PAMR1: variants seen among roughly 807,000 people sequenced by gnomAD.
PAMR1 encodes peptidase domain containing associated with muscle regeneration 1.
Under a neutral mutation model 81.8 loss-of-function variants are expected in PAMR1, and 88 were observed. The ratio of observed to expected loss-of-function variants is 1.08; its 90% CI spans 0.91 to 1.28. The LOEUF (loss-of-function observed/expected upper bound fraction) is 1.28, where lower values mean the gene tolerates loss of function less well. Ranked by LOEUF, PAMR1 falls within the 50% of genes most tolerant of loss-of-function variation. The probability of loss-of-function intolerance (pLI) is 0.00; values close to 1 mark genes in which losing one functional copy is unlikely to be tolerated. For synonymous variants in PAMR1, 336 were observed against 345.3 expected (o/e 0.97, Z 0.30); for missense variants, 935 against 919.7 (o/e 1.02, Z -0.21).
intron 5 of PAMR1, among the ~76,000 whole-genome samples, chr11:35,468,337 C>G (rs746554997): frequency 1.3e-5 from 2 of 152,094 alleles, no homozygotes. Flanking sequence ...CAGAAGTATG[C>G]TTAACGCTCC....
chr11:35,450,277 C>T (rs983066013), intron 6 of PAMR1, among the ~76,000 whole-genome samples: 18 of 152,194 alleles, frequency 1.2e-4, no homozygotes, highest in African/African-American at 4.1e-4. Context: ...ACTCTAAGAC[C>T]GTCCATAGAC....
chr11:35,516,719 C>A (rs12281716), intron 1 of PAMR1, among the ~76,000 whole-genome samples: 93 of 152,334 alleles, frequency 6.1e-4, no homozygotes, highest in African/African-American at 2.1e-3. Flanking sequence ...AGACAGACCA[C>A]TTTCAGGTTG....
intron 3 of PAMR1, among the ~76,000 whole-genome samples, chr11:35,480,788 C>G (rs2135388631): frequency 6.6e-6 from 1 of 152,290 alleles, no homozygotes; most frequent in East Asian, 1.9e-4. Flanking sequence ...CTGCACCTAT[C>G]TACCCATCAT....
chr11:35,455,409 G>C lies in PAMR1; in HGVS notation c.820+12592C>G, dbSNP rs559098089. On this transcript the variant is annotated intron_variant, in intron 6 of 10. Transcript: ENST00000619888. ...TATCCTCTGATAAACACAAAACTTA[G>C]GAGTAGATCCTAGCTGTGATGAGAC... Among the ~76,000 whole-genome samples, 7 of 152,292 alleles carry C rather than the reference G, an allele frequency of 4.6e-5. No individual in the cohort carries two copies. In the South Asian group the frequency reaches 1.5e-3, roughly 32 times the overall value.
chr11:35,434,750 G>A lies in PAMR1; in HGVS notation c.1388C>T (p.Pro463Leu), dbSNP rs368838060. Residue 463 changes from proline to leucine, a missense_variant, in exon 10 of 11, where the codon CCG becomes CTG. Coordinates refer to ENST00000619888, the MANE Select transcript of PAMR1 (RefSeq NM_001001991.3). ...TAPKTQGLRW[P>L]WQAAIYRRTS... is the part of the protein sequence containing the mutation. ...CCTCCTGTAGATGGCTGCCTGCCAC[G>A]GCCAGCGCAACCCTTGGGTCTTTGG... 46 of 1,613,966 alleles carry A rather than the reference G, an allele frequency of 2.9e-5. No individual in the cohort carries two copies. The highest frequency in any genetic ancestry group is 3.5e-5 in the Non-Finnish European group (41 of 1,180,018).
At chr11:35,497,801 TCTC>T (rs1208719780) in intron 1 of PAMR1, among the ~76,000 whole-genome samples, 1 of 152,204 alleles carries the variant, frequency 6.6e-6, no homozygotes, top group Non-Finnish European at 1.5e-5. Flanking sequence ...ACATTCAACT[TCTC>T]TTCTTTCTCA....
intron 4 of PAMR1, among the ~76,000 whole-genome samples, chr11:35,471,373 C>T (rs571637074): frequency 5.8e-4 from 88 of 152,266 alleles, no homozygotes; most frequent in African/African-American, 1.9e-3. Flanking sequence ...CAGTGTCCAG[C>T]GCAGTGCCTG....
chr11:35,476,379 G>A (rs1850285325), intron 3 of PAMR1, among the ~76,000 whole-genome samples: 1 of 152,130 alleles, frequency 6.6e-6, no homozygotes. Context: ...TTTAATCATG[G>A]GAAAGGTTAC....
intron 6 of PAMR1, among the ~76,000 whole-genome samples, chr11:35,457,959 C>G (rs1392681619): frequency 6.6e-6 from 1 of 152,048 alleles, no homozygotes; most frequent in African/African-American, 2.4e-5. Context: ...CCCATTTGCC[C>G]ACCTATAGGA....
chr11:35,437,845 A>G (rs982326593), intron 8 of PAMR1, among the ~76,000 whole-genome samples: 22 of 152,224 alleles, frequency 1.4e-4, no homozygotes, highest in African/African-American at 5.1e-4. Flanking sequence ...CAGGGAAATC[A>G]CACAGATCAG....
chr11:35,438,376 C>G (rs1856096090), intron 8 of PAMR1, among the ~76,000 whole-genome samples: 1 of 152,230 alleles, frequency 6.6e-6, no homozygotes, highest in South Asian at 2.1e-4. Flanking sequence ...ACAGAGCAAA[C>G]ATGCAATAAA....
At chr11:35,528,470 A>AAAATGCAC (rs1851423926), upstream of PAMR1, among the ~76,000 whole-genome samples, 1 of 152,150 alleles carries the variant, frequency 6.6e-6, no homozygotes, top group Non-Finnish European at 1.5e-5. Context: ...CTGCAAATTT[A>AAAATGCAC]TTGTTCTTTT....
Position 35,432,101 on chromosome 11 carries a change from T to C in PAMR1, c.*255A>G. On this transcript the variant is annotated 3_prime_UTR_variant, in exon 11 of 11. Coordinates refer to ENST00000619888, the MANE Select transcript of PAMR1 (RefSeq NM_001001991.3). ...CAGTGGAGTGGAGAGGTTTTGTATA[T>C]GGTCTTCTTTGAAGAAACTTACTTC... 1 of 503,870 alleles carries C rather than the reference T, an allele frequency of 2.0e-6. No individual in the cohort carries two copies. Among genetic ancestry groups the C allele is most frequent in the Non-Finnish European group, 3.6e-6 (1 of 281,494 alleles). 31.2% of individuals were successfully genotyped at this position (503,870 alleles called of 1,614,324 possible). A position where few individuals can be genotyped will look rare whatever the true frequency, so the allele number is the denominator to read the frequency against.
chr11:35,497,422 A>G (rs1482412181), intron 1 of PAMR1, among the ~76,000 whole-genome samples: 8 of 152,210 alleles, frequency 5.3e-5, no homozygotes, highest in Non-Finnish European at 8.8e-5. Context: ...GAGCTGGGGG[A>G]AAGCTGAATG....
chr11:35,504,349 T>C (rs920660409), intron 1 of PAMR1, among the ~76,000 whole-genome samples: 2 of 152,138 alleles, frequency 1.3e-5, no homozygotes, highest in Non-Finnish European at 2.9e-5. Flanking sequence ...TTTGCTGTTG[T>C]TCTATCCTCG....
At chr11:35,485,383 A>AT (rs1850479376) in intron 3 of PAMR1, among the ~76,000 whole-genome samples, 2 of 152,218 alleles carry the variant, frequency 1.3e-5, no homozygotes, top group Admixed American at 1.3e-4. Context: ...TCTCTGTAGA[A>AT]TTGAAGGTTT....
At chr11:35,454,724 T>C (rs1516987) in intron 6 of PAMR1, among the ~76,000 whole-genome samples, 57,533 of 151,636 alleles carry the variant, frequency 0.38, 11,460 homozygotes, top group African/African-American at 0.51. Context: ...GGTATCAGGG[T>C]CTGTGTGCAG....
intron 1 of PAMR1, among the ~76,000 whole-genome samples, chr11:35,524,101 A>G (rs16927625): frequency 0.23 from 34,305 of 152,070 alleles, 4,068 homozygotes; most frequent in Non-Finnish European, 0.25. Flanking sequence ...GTCCACCGAC[A>G]CCATGCAAAG....
chr11:35,447,758 T>G (rs1279207311), intron 6 of PAMR1, among the ~76,000 whole-genome samples: 1 of 152,198 alleles, frequency 6.6e-6, no homozygotes, highest in Admixed American at 6.5e-5. Flanking sequence ...TCTACTTCAG[T>G]GTGTTTTTGT....
Sources: allele counts gnomAD v4.1 joint callset (sites outside exome capture counted in the v4.1 genomes callset), GRCh38; gene constraint gnomAD v4.1.1; transcripts MANE v1.5; gene names NCBI Gene and HGNC (gene_info 2026-07-23, HGNC 2026-07-21).